The following AGTPBP1 variants were observed in gnomAD, a reference collection of about 807,000 sequenced individuals.
AGTPBP1 encodes ATP/GTP binding carboxypeptidase 1.
AGTPBP1 carries 70 observed loss-of-function variants against 143.9 expected under a neutral mutation model. That is an observed-to-expected ratio of 0.49 (90% CI 0.40 to 0.59). AGTPBP1 has a LOEUF of 0.59. AGTPBP1 is among the 20% of genes least tolerant of loss of function. The probability of loss-of-function intolerance (pLI) is 0.00; values close to 1 mark genes in which losing one functional copy is unlikely to be tolerated. For synonymous variants in AGTPBP1, 463 were observed against 500.2 expected (o/e 0.93, Z 0.99); for missense variants, 1,229 against 1,464.5 (o/e 0.84, Z 2.62).
intron 17 of AGTPBP1, among the ~76,000 whole-genome samples, chr9:85,609,890 T>C (rs1434787021): frequency 1.3e-5 from 2 of 152,104 alleles, no homozygotes; most frequent in Non-Finnish European, 2.9e-5. Flanking sequence ...GAACAAGATA[T>C]TTAGATAGTC....
intron 2 of AGTPBP1, among the ~76,000 whole-genome samples, chr9:85,698,679 CTTTTTTTT>C (rs34248388): frequency 1.3e-4 from 10 of 76,576 alleles, no homozygotes; most frequent in South Asian, 6.3e-4. Flanking sequence ...CCACCTAACC[CTTTTTTTT>C]TTTTTTTTTT....
At position 85,730,539 on chromosome 9, in the gene AGTPBP1, A is replaced by G. The variant is rs77940347; in HGVS notation, c.-34+11236T>C. Among the ~76,000 whole-genome samples, 411 of 152,206 alleles carry G rather than the reference A, an allele frequency of 2.7e-3. 2 individuals are homozygous for G. The highest frequency in any genetic ancestry group is 6.8e-3 in the African/African-American group (284 of 41,516). ...CTCCTCAGTGTGTGCTGCTTTTCCA[A>G]TAAGAGCCTAGGTAGTTTTGTAGTA... On this transcript the variant is annotated intron_variant, in intron 1 of 25. Transcript: ENST00000357081.
intron 25 of AGTPBP1, among the ~76,000 whole-genome samples, chr9:85,564,710 G>A (rs943536715): frequency 1.1e-4 from 17 of 152,118 alleles, no homozygotes; most frequent in African/African-American, 4.1e-4. Context: ...ATACCATCTA[G>A]GTTACTACAA....
chr9:85,780,425 C>T, the AGTPBP1 span, among the ~76,000 whole-genome samples: 2 of 146,178 alleles, frequency 1.4e-5, no homozygotes, highest in Non-Finnish European at 3.0e-5. Flanking sequence ...CCTCTTTTAA[C>T]AGGTTTTGGT....
chr9:85,579,785 G>C (rs1828132180), intron 23 of AGTPBP1, among the ~76,000 whole-genome samples: 1 of 149,882 alleles, frequency 6.7e-6, no homozygotes, highest in African/African-American at 2.5e-5. Flanking sequence ...GTGGAGAAAA[G>C]ATTGATCATT....
chr9:85,637,891 C>T (rs912228619), intron 13 of AGTPBP1, among the ~76,000 whole-genome samples: 2 of 152,162 alleles, frequency 1.3e-5, no homozygotes, highest in African/African-American at 4.8e-5. Context: ...GAGAGCAAGA[C>T]AGCATGTGCA....
At chr9:85,572,031 T>TTTTTTTTTTTTTTTTTTTTTTTTTA (rs1827528907) in intron 25 of AGTPBP1, among the ~76,000 whole-genome samples, 1 of 86,742 alleles carries the variant, frequency 1.2e-5, no homozygotes, top group East Asian at 2.8e-4. Flanking sequence ...TTTTTTTTTT[T>TTTTTTTTTTTTTTTTTTTTTTTTTA]TTTTTTTTTT....
At chr9:85,653,835 G>C (rs943648238) in intron 11 of AGTPBP1, among the ~76,000 whole-genome samples, 3 of 152,172 alleles carry the variant, frequency 2.0e-5, no homozygotes, top group Admixed American at 1.3e-4. Flanking sequence ...ATTTGGTACA[G>C]ATTTTCTCCT....
chr9:85,707,666 T>C (rs1334401457), intron 2 of AGTPBP1, among the ~76,000 whole-genome samples: 1 of 152,206 alleles, frequency 6.6e-6, no homozygotes, highest in African/African-American at 2.4e-5. Context: ...TTCCTAACAT[T>C]TTCACAGGAA....
intron 25 of AGTPBP1, among the ~76,000 whole-genome samples, chr9:85,555,319 G>A (rs1161704172): frequency 6.6e-6 from 1 of 152,166 alleles, no homozygotes; most frequent in African/African-American, 2.4e-5. Context: ...AAGACAGTAG[G>A]CCGGGTGCAG....
intron 8 of AGTPBP1, among the ~76,000 whole-genome samples, chr9:85,661,315 C>T (rs1382877243): frequency 6.6e-6 from 1 of 152,040 alleles, no homozygotes; most frequent in Non-Finnish European, 1.5e-5. Flanking sequence ...AAAGGAACCA[C>T]ACTATTAAAA....
intron 13 of AGTPBP1, among the ~76,000 whole-genome samples, chr9:85,638,916 C>A (rs772943951): frequency 5.8e-4 from 88 of 151,988 alleles, no homozygotes; most frequent in Admixed American, 5.4e-3. Context: ...GAATAAAAAT[C>A]CATAAGGATA....
At chr9:85,745,636 A>G (rs1480518701), upstream of AGTPBP1, among the ~76,000 whole-genome samples, 1 of 152,186 alleles carries the variant, frequency 6.6e-6, no homozygotes, top group African/African-American at 2.4e-5. Context: ...TTCTGATGCA[A>G]AATCTTTTAC....
chr9:85,741,053 GC>G (rs1824227370), intron 1 of AGTPBP1, among the ~76,000 whole-genome samples: 1 of 152,216 alleles, frequency 6.6e-6, no homozygotes, highest in Non-Finnish European at 1.5e-5. Flanking sequence ...AGTCGAGCAA[GC>G]CTTTGGGTTA....
chr9:85,586,765 G>C, intron 22 of AGTPBP1, 66 bp downstream of exon 22: 2 of 1,548,838 alleles, frequency 1.3e-6, no homozygotes, highest in Non-Finnish European at 8.8e-7. Context: ...TCACACAAGT[G>C]CTTGATAATT....
chr9:85,711,436 T>G (rs1837358226), intron 2 of AGTPBP1, among the ~76,000 whole-genome samples: 1 of 151,478 alleles, frequency 6.6e-6, no homozygotes, highest in African/African-American at 2.4e-5. Flanking sequence ...TTATCTTTTT[T>G]CTTTCTTTTT....
At chr9:85,749,418 C>T in the AGTPBP1 span, among the ~76,000 whole-genome samples, 75 of 152,284 alleles carry the variant, frequency 4.9e-4, no homozygotes, top group Non-Finnish European at 9.6e-4. Flanking sequence ...GATGTATCCT[C>T]TACTTAATGC....
chr9:85,682,797 A>T (rs1013972824), intron 3 of AGTPBP1, among the ~76,000 whole-genome samples: 2 of 152,218 alleles, frequency 1.3e-5, no homozygotes, highest in Admixed American at 1.3e-4. Flanking sequence ...AGCCTTTAGA[A>T]TATCATACTT....
intron 25 of AGTPBP1, among the ~76,000 whole-genome samples, chr9:85,552,470 A>T (rs184881303): frequency 1.4e-4 from 21 of 152,310 alleles, no homozygotes; most frequent in Admixed American, 1.1e-3. Flanking sequence ...CATGACCTAC[A>T]ACAGGCATGA....
Sources: allele counts gnomAD v4.1 joint callset (sites outside exome capture counted in the v4.1 genomes callset), GRCh38; gene constraint gnomAD v4.1.1; transcripts MANE v1.5; gene names NCBI Gene and HGNC (gene_info 2026-07-23, HGNC 2026-07-21).